OR5K1: variants seen among roughly 807,000 people sequenced by gnomAD.
The protein encoded by OR5K1 is olfactory receptor 5K1.
A neutral mutation model predicts 10.4 loss-of-function variants in OR5K1; 7 were observed. The ratio of observed to expected loss-of-function variants is 0.67; its 90% CI spans 0.38 to 1.26. The LOEUF (loss-of-function observed/expected upper bound fraction) is 1.26. Among genes scored for constraint, OR5K1 ranks in the 50% most tolerant of loss-of-function variants. The pLI is 0.02. For synonymous variants in OR5K1, 135 were observed against 128.5 expected (o/e 1.05, Z -0.34); for missense variants, 435 against 366.2 (o/e 1.19, Z -1.53).
chr3:98,471,114 GTTAAATA>G lies in OR5K1; in HGVS notation c.*617_*623del, dbSNP rs1410486845. ...ATTTCCAAATTTAAATTATTACTGA[GTTAAATA>G]TTAAACACAGAATGTCAATTTTCAA... is the stretch of plus-strand genomic sequence containing the variant. On this transcript the variant is annotated 3_prime_UTR_variant, in exon 2 of 2. Transcript: ENST00000642057. 1 of 152,044 alleles carries G rather than the reference GTTAAATA, an allele frequency of 6.6e-6. No homozygotes were observed. Among genetic ancestry groups the G allele is most frequent in the Non-Finnish European group, 1.5e-5 (1 of 68,002 alleles). 9.4% of individuals were successfully genotyped at this position (152,044 alleles called of 1,614,324 possible). A position where few individuals can be genotyped will look rare whatever the true frequency, so the allele number is the denominator to read the frequency against.
At position 98,469,999 on chromosome 3, in the gene OR5K1, C is replaced by T. The variant is rs768698658; in HGVS notation, c.423C>T (p.Cys141=). ...QYHIMMSKKL[C]IQMTTGAFIA... is the part of the protein sequence containing the mutation. ...ACATCATGATGTCCAAGAAACTCTG[C>T]ATTCAGATGACCACAGGGGCCTTCA... The change falls in exon 2 of 2, where the codon TGC becomes TGT. Residue 141 remains cysteine (C), a synonymous_variant. Transcript: ENST00000642057. The T allele has an allele frequency of 7.4e-5, 120 of 1,613,544 alleles. No individual in the cohort carries two copies. The highest frequency in any genetic ancestry group is 9.0e-5 in the Non-Finnish European group (106 of 1,179,788).
Position 98,471,167 on chromosome 3 carries a change from T to A in OR5K1, c.*664T>A, listed in dbSNP as rs950476102. The stretch of plus-strand genomic sequence containing the variant: ...TTCAAGTCAAGCTACATTAAGAGAG[T>A]TTTATCTACTCCCATATCTACCTGC... On this transcript the variant is annotated 3_prime_UTR_variant, in exon 2 of 2. Transcript: ENST00000642057. 8 of 151,654 alleles carry A rather than the reference T, an allele frequency of 5.3e-5. No homozygotes were observed. Among genetic ancestry groups the A allele is most frequent in the Admixed American group, 2.0e-4 (3 of 15,192 alleles). The allele number at this position is 151,654 out of a possible 1,614,324, so 9.4% of individuals were successfully genotyped here.
intron 1 of OR5K1, among the ~76,000 whole-genome samples, chr3:98,468,110 A>G (rs965741437): frequency 1.3e-5 from 2 of 152,008 alleles, no homozygotes; most frequent in African/African-American, 2.4e-5. Context: ...GATGGTTTCT[A>G]GTATAGGCAT....
intron 1 of OR5K1, among the ~76,000 whole-genome samples, chr3:98,463,805 T>C (rs1030165147): frequency 6.6e-6 from 1 of 152,304 alleles, no homozygotes; most frequent in East Asian, 1.9e-4. Flanking sequence ...AAATAAAATA[T>C]CAATGTAAAA....
At position 98,470,082 on chromosome 3, in the gene OR5K1, G is replaced by A; in HGVS notation, c.506G>A (p.Cys169Tyr). The A allele has an allele frequency of 1.2e-6, 2 of 1,613,658 alleles. No homozygotes were observed. Among genetic ancestry groups the A allele is most frequent in the East Asian group, 2.2e-5 (1 of 44,860 alleles). ...GGGCTTGTATTTAGGTTAGTTTTCT[G>A]TGGATCGAATCACATCAACCACTTT... Reference protein sequence around the residue: ...HVGLVFRLVFCGSNHINHFYC... With the variant: ...HVGLVFRLVFYGSNHINHFYC... Residue 169 changes from cysteine (C) to tyrosine (Y), a missense_variant, in exon 2 of 2, where the codon TGT becomes TAT. Cys to Tyr is a radical substitution (Grantham distance 194). Transcript: ENST00000642057.
Position 98,469,709 on chromosome 3 carries a change from T to C in OR5K1, c.133T>C (p.Leu45=). The change falls in exon 2 of 2, where the codon TTG becomes CTG. Residue 45 remains leucine (L), a synonymous_variant. Transcript: ENST00000642057. ...GATCACCGTGGTGGGGAATATTAGT[T>C]TGGTGGCACTGATATTTACACACCG... is the stretch of plus-strand genomic sequence containing the variant. ...YLITVVGNIS[L]VALIFTHRRL... 1 of 1,613,778 alleles carries C rather than the reference T, an allele frequency of 6.2e-7. No homozygotes were observed. Among genetic ancestry groups the C allele is most frequent in the Non-Finnish European group, 8.5e-7 (1 of 1,179,794 alleles).
At chr3:98,468,008 A>T (rs1299128054) in intron 1 of OR5K1, among the ~76,000 whole-genome samples, 1 of 152,110 alleles carries the variant, frequency 6.6e-6, no homozygotes, top group East Asian at 1.9e-4. Flanking sequence ...TCCAGTTTTT[A>T]ACCTTTTTCT....
In OR5K1 at chr3:98,470,097, T is replaced by A; in HGVS notation, c.521T>A (p.Ile174Asn). The part of the protein sequence containing the change: ...FRLVFCGSNH[I>N]NHFYCDILPL... ...TTAGTTTTCTGTGGATCGAATCACATCAACCACTTTTACTGTGATATTCTT... is the reference window on the plus strand; with the variant it reads ...TTAGTTTTCTGTGGATCGAATCACAACAACCACTTTTACTGTGATATTCTT... Residue 174 changes from isoleucine (I) to asparagine (N), a missense_variant, in exon 2 of 2, where the codon ATC becomes AAC. Coordinates refer to ENST00000642057, the MANE Select transcript of OR5K1 (RefSeq NM_001004736.4). 7 of 1,613,680 alleles carry A rather than the reference T, an allele frequency of 4.3e-6. No homozygotes were observed. The highest frequency in any genetic ancestry group is 5.9e-6 in the Non-Finnish European group (7 of 1,179,710).
Position 98,470,376 on chromosome 3 carries a change from A to G in OR5K1, c.800A>G (p.Glu267Gly), listed in dbSNP as rs1322962028. 2 of 1,612,702 alleles carry G rather than the reference A, an allele frequency of 1.2e-6. No individual in the cohort carries two copies. Among genetic ancestry groups the G allele is most frequent in the Non-Finnish European group, 1.7e-6 (2 of 1,179,106 alleles). The change falls in exon 2 of 2, where the codon GAA becomes GGA. Residue 267 changes from glutamate to glycine, a missense_variant. By Grantham distance (98) the Glu-to-Gly change is moderately conservative (BLOSUM62 -2). Coordinates refer to ENST00000642057, the MANE Select transcript of OR5K1 (RefSeq NM_001004736.4). ...FMYVRPNLLE[E>G]GDKDIPAAIL... ...TACGTTAGACCAAATTTGCTTGAAG[A>G]AGGGGATAAAGATATACCAGCTGCA...
intron 1 of OR5K1, among the ~76,000 whole-genome samples, chr3:98,466,004 T>C (rs1190907639): frequency 6.6e-6 from 1 of 151,874 alleles, no homozygotes; most frequent in Admixed American, 6.6e-5. Context: ...CCCACTAACG[T>C]GTCATCTAGC....
chr3:98,468,913 G>A (rs978359673), intron 1 of OR5K1, among the ~76,000 whole-genome samples: 1 of 152,072 alleles, frequency 6.6e-6, no homozygotes, highest in Non-Finnish European at 1.5e-5. Flanking sequence ...ATAGAGAAGT[G>A]TTGTTCTCTG....
intron 1 of OR5K1, among the ~76,000 whole-genome samples, 171 bp downstream of exon 1, chr3:98,463,478 A>G (rs1467234033): frequency 6.6e-6 from 1 of 151,966 alleles, no homozygotes; most frequent in African/African-American, 2.4e-5. Flanking sequence ...ACAAATGACT[A>G]TCATTCATTT....
chr3:98,464,898 C>T (rs1705353064), intron 1 of OR5K1, among the ~76,000 whole-genome samples: 1 of 152,104 alleles, frequency 6.6e-6, no homozygotes, highest in African/African-American at 2.4e-5. Flanking sequence ...CTCAATGAAT[C>T]CATTGTAACA....
At chr3:98,465,932 T>C (rs1469439354) in intron 1 of OR5K1, among the ~76,000 whole-genome samples, 7 of 151,876 alleles carry the variant, frequency 4.6e-5, no homozygotes, top group African/African-American at 1.7e-4. Context: ...AGTTTTAGGG[T>C]ACATGTGCAC....
rs1282396709 is a variant in OR5K1, at chr3:98,472,807, G to A, written c.*2304G>A. The A allele has an allele frequency of 6.6e-6, 1 of 151,730 alleles. No individual in the cohort carries two copies. The highest frequency in any genetic ancestry group is 1.9e-4 in the East Asian group (1 of 5,158). The allele number at this position is 151,730 out of a possible 1,614,324, so 9.4% of individuals were successfully genotyped here. On this transcript the variant is annotated 3_prime_UTR_variant, in exon 2 of 2. Coordinates refer to ENST00000642057, the MANE Select transcript of OR5K1 (RefSeq NM_001004736.4). The stretch of plus-strand genomic sequence containing the variant: ...TCTGAAACGGCAGGCATAGTTATTG[G>A]GTAAGACAGAATTACAGGCAGGCTT...
chr3:98,466,100 C>G (rs1576236684), intron 1 of OR5K1, among the ~76,000 whole-genome samples: 1 of 151,482 alleles, frequency 6.6e-6, no homozygotes, highest in Middle Eastern at 3.4e-3. Context: ...TTCCTGTGTC[C>G]ATGTGATCTC....
chr3:98,469,539 C>A, intron 1 of OR5K1, 27 bp from the exon 2 acceptor site: 2 of 1,575,648 alleles, frequency 1.3e-6, no homozygotes, highest in Non-Finnish European at 1.7e-6. Flanking sequence ...TAAATTAGTG[C>A]CTTCTTTCTC....
Position 98,469,973 on chromosome 3 carries a change from C to T in OR5K1, c.397C>T (p.His133Tyr). 2 of 1,613,688 alleles carry T rather than the reference C, an allele frequency of 1.2e-6. No individual in the cohort carries two copies. The highest frequency in any genetic ancestry group is 1.7e-6 in the Non-Finnish European group (2 of 1,179,788). Reference sequence around the variant, plus strand: ...GGCCATATGCAACCCACTGCAGTACCACATCATGATGTCCAAGAAACTCTG... The same window carrying T: ...GGCCATATGCAACCCACTGCAGTACTACATCATGATGTCCAAGAAACTCTG... ...YVAICNPLQY[H>Y]IMMSKKLCIQ... The change falls in exon 2 of 2, where the codon CAC (histidine) becomes TAC (tyrosine). Residue 133 changes from histidine (H) to tyrosine (Y), a missense_variant. Coordinates refer to ENST00000642057, the MANE Select transcript of OR5K1 (RefSeq NM_001004736.4).
Position 98,470,957 on chromosome 3 carries a change from T to C in OR5K1, c.*454T>C, listed in dbSNP as rs1335741895. The stretch of plus-strand genomic sequence containing the variant: ...TATGATGGTCAACCAGTAAAATCAC[T>C]TACATCCATGAGCAACAAAATTGTG... On this transcript the variant is annotated 3_prime_UTR_variant, in exon 2 of 2. Coordinates refer to ENST00000642057, the MANE Select transcript of OR5K1 (RefSeq NM_001004736.4). 6.5e-6 allele frequency: 1 copy of C among 152,680 alleles called. No individual in the cohort carries two copies. Among genetic ancestry groups the C allele is most frequent in the African/African-American group, 2.4e-5 (1 of 41,420 alleles). 9.5% of individuals were successfully genotyped at this position (152,680 alleles called of 1,614,324 possible).
Sources: allele counts gnomAD v4.1 joint callset (sites outside exome capture counted in the v4.1 genomes callset), GRCh38; gene constraint gnomAD v4.1.1; transcripts MANE v1.5; gene names NCBI Gene and HGNC (gene_info 2026-07-23, HGNC 2026-07-21).